Variants in BTD observed in about 807,000 individuals in gnomAD.
The protein encoded by BTD is biocytinase.
BTD carries 13 observed loss-of-function variants against 17.7 expected under a neutral mutation model. That is an observed-to-expected ratio of 0.74 (90% CI 0.48 to 1.17). The LOEUF (loss-of-function observed/expected upper bound fraction) is 1.17, where lower values mean the gene tolerates loss of function less well. Ranked by LOEUF, BTD falls within the 50% of genes most tolerant of loss-of-function variation. The pLI, the probability that BTD is intolerant of heterozygous loss-of-function variation, is 0.00. For synonymous variants in BTD, 240 were observed against 245.2 expected (o/e 0.98, Z 0.20); for missense variants, 674 against 650.4 (o/e 1.04, Z -0.39).
intron 3 of BTD, among the ~76,000 whole-genome samples, chr3:15,670,818 A>G (rs1317024528): frequency 6.6e-6 from 1 of 152,244 alleles, no homozygotes; most frequent in Non-Finnish European, 1.5e-5. Flanking sequence ...AGGTCTCACA[A>G]CTTATCCGTA....
downstream of BTD, among the ~76,000 whole-genome samples, chr3:15,717,183 G>C (rs1218421654): frequency 6.6e-6 from 1 of 151,900 alleles, no homozygotes; most frequent in African/African-American, 2.4e-5. Context: ...TTGCTATATT[G>C]CTCAGACTAG....
chr3:15,655,713 C>G (rs555487923), downstream of BTD, among the ~76,000 whole-genome samples: 18 of 152,284 alleles, frequency 1.2e-4, 1 homozygote, highest in South Asian at 3.7e-3. Context: ...TGGAGACTCT[C>G]ATTGTTTTCT....
chr3:15,647,420 C>T lies in BTD; in HGVS notation c.*1932C>T, dbSNP rs1464373313. 2.6e-5 allele frequency: 4 copies of T among 152,230 alleles called. No individual in the cohort carries two copies. The highest frequency in any genetic ancestry group is 5.9e-5 in the Non-Finnish European group (4 of 68,048). 9.4% of individuals were successfully genotyped at this position (152,230 alleles called of 1,614,324 possible). On this transcript the variant is annotated 3_prime_UTR_variant, in exon 4 of 4. Coordinates refer to ENST00000643237, the MANE Select transcript of BTD (RefSeq NM_001370658.1). ...TCACCCAGTAAACATCTAATCAGCA[C>T]CTGCAGGATCCTCATTCTGCCCTTC...
intron 3 of BTD, among the ~76,000 whole-genome samples, chr3:15,675,184 T>C (rs1467816528): frequency 6.6e-6 from 1 of 152,126 alleles, no homozygotes; most frequent in Non-Finnish European, 1.5e-5. Flanking sequence ...GGCATGAGAA[T>C]CGCTTGAACC....
At chr3:15,605,085 A>G (rs147176500) in intron 1 of BTD, among the ~76,000 whole-genome samples, 8 of 152,264 alleles carry the variant, frequency 5.3e-5, no homozygotes, top group African/African-American at 1.9e-4. Flanking sequence ...GGCTGTCTTT[A>G]CAGTAGTGCC....
chr3:15,603,582 G>A (rs1370672092), intron 1 of BTD, among the ~76,000 whole-genome samples: 8 of 152,290 alleles, frequency 5.3e-5, no homozygotes, highest in East Asian at 3.9e-4. Context: ...GTGTGAACCC[G>A]GGAGGCAGAG....
intron 1 of BTD, among the ~76,000 whole-genome samples, chr3:15,620,826 T>C (rs1172157427): frequency 6.6e-6 from 1 of 152,220 alleles, no homozygotes; most frequent in Non-Finnish European, 1.5e-5. Flanking sequence ...CAATGGGATA[T>C]ATATAGAGAG....
At chr3:15,603,386 A>G (rs919622915) in intron 1 of BTD, among the ~76,000 whole-genome samples, 1 of 152,218 alleles carries the variant, frequency 6.6e-6, no homozygotes, top group African/African-American at 2.4e-5. Flanking sequence ...GGCTGGGCGC[A>G]GTGGCTCACA....
At chr3:15,618,378 T>C (rs757080924) in intron 1 of BTD, among the ~76,000 whole-genome samples, 2 of 152,250 alleles carry the variant, frequency 1.3e-5, no homozygotes, top group Non-Finnish European at 2.9e-5. Context: ...CTTAACGATA[T>C]TGAGTCTCTG....
chr3:15,623,925 A>G (rs372033522), intron 1 of BTD, among the ~76,000 whole-genome samples: 112 of 152,344 alleles, frequency 7.4e-4, no homozygotes, highest in South Asian at 2.7e-3. Flanking sequence ...CCTTTTCTTC[A>G]TAAATTACCC....
Position 15,644,384 on chromosome 3 carries a change from G to T in BTD, c.468G>T (p.Lys156Asn), listed in dbSNP as rs397514367. Residue 156 changes from lysine (K) to asparagine (N), a missense_variant, in exon 4 of 4, where the codon AAG (lysine) becomes AAT (asparagine). Physicochemically the swap from Lys to Asn is moderately conservative, Grantham distance 94. Transcript: ENST00000643237. ...TCTTGGTGGCCAATCTTGGGACAAA[G>T]GAGCCTTGTCATAGCAGTGACCCAA... ...DMFLVANLGT[K>N]EPCHSSDPRC... 37 of 1,614,156 alleles carry T rather than the reference G, an allele frequency of 2.3e-5. No homozygotes were observed. The Admixed American group carries it at 6.2e-4, about 27-fold the overall frequency.
At chr3:15,710,190 T>C (rs2072050101) in exon 4 of BTD, among the ~76,000 whole-genome samples, 1 of 152,198 alleles carries the variant, frequency 6.6e-6, no homozygotes, top group Non-Finnish European at 1.5e-5. Context: ...TGTGAGCCAC[T>C]GCATGAGTCC....
Position 15,629,996 on chromosome 3 carries a change from A to T in BTD, c.-16-5428A>T, listed in dbSNP as rs920412989. Reference sequence around the variant, plus strand: ...TGTGGCATTGATTGTAGATCCCTTAATTCAGACAGATTTCCCCACGCAGAC... The same window carrying T: ...TGTGGCATTGATTGTAGATCCCTTATTTCAGACAGATTTCCCCACGCAGAC... On this transcript the variant is annotated intron_variant, in intron 1 of 3. Coordinates refer to ENST00000643237, the MANE Select transcript of BTD (RefSeq NM_001370658.1). The T allele has an allele frequency of 1.3e-5, 13 of 979,906 alleles. No homozygotes were observed. The South Asian group carries it at 5.7e-4, about 43-fold the overall frequency. The allele number at this position is 979,906 out of a possible 1,614,324, so 60.7% of individuals were successfully genotyped here.
At chr3:15,682,557 G>A (rs1383342174) in intron 3 of BTD, among the ~76,000 whole-genome samples, 1 of 152,148 alleles carries the variant, frequency 6.6e-6, no homozygotes, top group Admixed American at 6.5e-5. Flanking sequence ...GGAATAATAA[G>A]TATTCTTAAG....
upstream of BTD, chr3:15,601,646 A>C (rs1182995343): frequency 1.9e-6 from 3 of 1,553,388 alleles, no homozygotes; most frequent in Non-Finnish European, 2.6e-6. Flanking sequence ...TTCCCGGGAG[A>C]GGTGAGAATG....
At chr3:15,654,725 C>T (rs977766187), downstream of BTD, among the ~76,000 whole-genome samples, 1 of 151,550 alleles carries the variant, frequency 6.6e-6, no homozygotes, top group African/African-American at 2.4e-5. Flanking sequence ...GCATCTGCCA[C>T]CACACTTGGC....
At chr3:15,642,138 A>C (rs888065528) in intron 3 of BTD, 81 bp downstream of exon 3, 7 of 1,579,442 alleles carry the variant, frequency 4.4e-6, no homozygotes, top group Non-Finnish European at 5.2e-6. Flanking sequence ...TGACATGTTA[A>C]CTAAGATTGA....
rs1405866046 is a variant in BTD, at chr3:15,652,025, T to C, written c.*6537T>C. ...ATGCGATGGCATGTTACTTCTGAAA[T>C]TGGGTTATAAAAGGTACTGCAGACC... On this transcript the variant is annotated 3_prime_UTR_variant, in exon 4 of 4. Coordinates refer to ENST00000643237, the MANE Select transcript of BTD (RefSeq NM_001370658.1). Among the ~76,000 whole-genome samples, 2 of 152,134 alleles carry C rather than the reference T, an allele frequency of 1.3e-5. No individual in the cohort carries two copies. The highest frequency in any genetic ancestry group is 2.9e-5 in the Non-Finnish European group (2 of 68,008).
At chr3:15,716,744 G>T (rs1424174030), downstream of BTD, among the ~76,000 whole-genome samples, 1 of 152,126 alleles carries the variant, frequency 6.6e-6, no homozygotes, top group East Asian at 1.9e-4. Flanking sequence ...ATGAAATTTG[G>T]AAGATATAAC....
Sources: gnomAD v4.1 joint callset for allele counts (sites outside exome capture counted in the v4.1 genomes callset) on GRCh38, gnomAD v4.1.1 for gene constraint, MANE v1.5 for transcripts, NCBI Gene and HGNC (gene_info 2026-07-23, HGNC 2026-07-21) for gene names.